SMARCC1: variants seen among roughly 807,000 people sequenced by gnomAD.
SMARCC1 encodes the protein SWI/SNF complex subunit SMARCC1.
Under a neutral mutation model 147.4 loss-of-function variants are expected in SMARCC1, and 43 were observed. The ratio of observed to expected loss-of-function variants is 0.29; its 90% CI spans 0.23 to 0.38. The LOEUF (loss-of-function observed/expected upper bound fraction) is 0.38, where lower values mean the gene tolerates loss of function less well. Ranked by LOEUF, SMARCC1 falls within the 10% of genes least tolerant of loss-of-function variation. The probability of loss-of-function intolerance (pLI) is 1.00; values close to 1 mark genes in which losing one functional copy is unlikely to be tolerated. For missense variants in SMARCC1, 1,119 were observed against 1,381.1 expected (o/e 0.81, Z 3.01); for synonymous variants, 495 against 484.4 (o/e 1.02, Z -0.29).
At chr3:47,656,486 A>C (rs952142077) in intron 21 of SMARCC1, among the ~76,000 whole-genome samples, 5 of 152,230 alleles carry the variant, frequency 3.3e-5, no homozygotes, top group African/African-American at 1.2e-4. Context: ...ATGGCTATGA[A>C]GGGTAGAAAG....
chr3:47,721,937 G>A (rs1271548606), intron 6 of SMARCC1, among the ~76,000 whole-genome samples: 1 of 152,116 alleles, frequency 6.6e-6, no homozygotes. Flanking sequence ...GGAAGATCAC[G>A]AGCATTATAG....
At position 47,588,765 on chromosome 3, in the gene SMARCC1, C is replaced by A. The variant is rs2032124557; in HGVS notation, c.3221-459G>T. Among the ~76,000 whole-genome samples, 3 of 130,828 alleles carry A rather than the reference C, an allele frequency of 2.3e-5. No individual in the cohort carries two copies. In the South Asian group the frequency reaches 7.8e-4, roughly 34 times the overall value. The allele number at this position is 130,828 out of a possible 152,430, so 85.8% of individuals were successfully genotyped here. ...GCACAAAATAGATTATCAATAAATTCTTGCTATATAAATGTCTCCACCAGG... is the reference window on the plus strand; with the variant it reads ...GCACAAAATAGATTATCAATAAATTATTGCTATATAAATGTCTCCACCAGG... On this transcript the variant is annotated intron_variant, in intron 27 of 27. Transcript: ENST00000254480.
chr3:47,720,205 C>T lies in SMARCC1; in HGVS notation c.716+461G>A, dbSNP rs976294083. On this transcript the variant is annotated intron_variant, in intron 7 of 27. Coordinates refer to ENST00000254480, the MANE Select transcript of SMARCC1 (RefSeq NM_003074.4). ...ACGGCGCAATCTCGGCTCACTGAAA[C>T]CTCCACCTCCCGGGTTCAAGGGATT... 1.2e-4 allele frequency among the ~76,000 whole-genome samples: 19 copies of T among 152,232 alleles called. No homozygotes were observed. In the East Asian group the frequency reaches 3.1e-3, roughly 25 times the overall value.
At position 47,610,298 on chromosome 3, in the gene SMARCC1, A is replaced by C; in HGVS notation, c.2811T>G (p.Thr937=). 1 of 1,614,228 alleles carries C rather than the reference A, an allele frequency of 6.2e-7. No homozygotes were observed. The highest frequency in any genetic ancestry group is 8.5e-7 in the Non-Finnish European group (1 of 1,180,038). Residue 937 remains threonine (T), a synonymous_variant, in exon 26 of 28, where the codon ACT becomes ACG. Coordinates refer to ENST00000254480, the MANE Select transcript of SMARCC1 (RefSeq NM_003074.4). ...ALEQQRQQLL[T]ERQNFHMEQL... is the part of the protein sequence containing the mutation. ...GTTCCATGTGGAAGTTTTGGCGTTC[A>C]GTAAGCAACTGCTGCCTCTGTTGTT...
chr3:47,657,887 C>G (rs910092205), intron 21 of SMARCC1, among the ~76,000 whole-genome samples: 1 of 151,818 alleles, frequency 6.6e-6, no homozygotes, highest in African/African-American at 2.4e-5. Context: ...TATAGAATGT[C>G]GCAAAAGCAG....
intron 1 of SMARCC1, among the ~76,000 whole-genome samples, chr3:47,780,168 G>GTTTTTTTTTTTT (rs10662354): frequency 0.045 from 2,672 of 59,340 alleles, 42 homozygotes; most frequent in Middle Eastern, 0.089. Context: ...GTTTTTTTTT[G>GTTTTTTTTTTTT]TTTTTTTTTT....
intron 4 of SMARCC1, among the ~76,000 whole-genome samples, chr3:47,737,717 G>A (rs1314837182): frequency 6.6e-5 from 10 of 151,864 alleles, no homozygotes; most frequent in Non-Finnish European, 1.3e-4. Flanking sequence ...GTGCAGGGGC[G>A]CAATCTCGGC....
chr3:47,678,117 A>C, intron 16 of SMARCC1, 81 bp downstream of exon 16: 2 of 677,954 alleles, frequency 3.0e-6, no homozygotes, highest in Non-Finnish European at 4.9e-6. Context: ...TGAAACAACC[A>C]GTTTAATCAA....
chr3:47,754,382 T>C (rs1203183632), intron 2 of SMARCC1, among the ~76,000 whole-genome samples: 1 of 152,072 alleles, frequency 6.6e-6, no homozygotes, highest in African/African-American at 2.4e-5. Flanking sequence ...TTTGTATTTT[T>C]AGTAGAGACA....
chr3:47,768,048 C>G (rs1576436634), intron 2 of SMARCC1, among the ~76,000 whole-genome samples: 1 of 151,962 alleles, frequency 6.6e-6, no homozygotes. Context: ...CTATGTTGCC[C>G]AGGCTAGTTT....
chr3:47,693,216 C>A, intron 12 of SMARCC1, 25 bp downstream of exon 12: 1 of 1,305,492 alleles, frequency 7.7e-7, no homozygotes, highest in South Asian at 1.2e-5. Flanking sequence ...AAGCACAGAC[C>A]AGTGTATAGA....
At chr3:47,603,730 C>A in intron 26 of SMARCC1, 1 of 251,992 alleles carries the variant, frequency 4.0e-6, no homozygotes, top group South Asian at 4.4e-5. Context: ...GAATGAAATG[C>A]AATGCTGTGT....
intron 19 of SMARCC1, among the ~76,000 whole-genome samples, chr3:47,664,918 C>G (rs2033403159): frequency 6.6e-6 from 1 of 152,200 alleles, no homozygotes. Flanking sequence ...ATTTGCTGCT[C>G]TACACTGTGA....
intron 26 of SMARCC1, among the ~76,000 whole-genome samples, chr3:47,595,682 G>A (rs975214552): frequency 4.6e-5 from 7 of 151,480 alleles, no homozygotes; most frequent in Non-Finnish European, 7.4e-5. Flanking sequence ...CCCTTTTGTG[G>A]TACCTTACTA....
At chr3:47,665,731 G>A (rs2033412016) in intron 19 of SMARCC1, among the ~76,000 whole-genome samples, 1 of 152,018 alleles carries the variant, frequency 6.6e-6, no homozygotes, top group Non-Finnish European at 1.5e-5. Flanking sequence ...CAGGAAGGAG[G>A]ATGATTCAAT....
chr3:47,777,172 C>T (rs985807847), intron 1 of SMARCC1, among the ~76,000 whole-genome samples: 1 of 151,590 alleles, frequency 6.6e-6, no homozygotes, highest in African/African-American at 2.4e-5. Context: ...AGCCTCTGCC[C>T]ACCGGGTTCC....
intron 6 of SMARCC1, 85 bp downstream of exon 6, chr3:47,728,940 T>C (rs2034334355): frequency 1.3e-6 from 1 of 783,882 alleles, no homozygotes; most frequent in Non-Finnish European, 2.0e-6. Context: ...AGCTGGTTAT[T>C]CTGTTTAAGT....
intron 1 of SMARCC1, among the ~76,000 whole-genome samples, chr3:47,780,984 G>A (rs1369228713): frequency 2.6e-5 from 4 of 152,186 alleles, no homozygotes; most frequent in East Asian, 1.9e-4. Context: ...GGTGACACAA[G>A]AAAAGTGCTC....
At chr3:47,714,903 T>G (rs1434647774) in intron 7 of SMARCC1, among the ~76,000 whole-genome samples, 1 of 152,204 alleles carries the variant, frequency 6.6e-6, no homozygotes, top group African/African-American at 2.4e-5. Context: ...AGCTCCTCTG[T>G]AGAGGTCACC....
Sources: gnomAD v4.1 joint callset for allele counts (sites outside exome capture counted in the v4.1 genomes callset) on GRCh38, gnomAD v4.1.1 for gene constraint, MANE v1.5 for transcripts, NCBI Gene and HGNC (gene_info 2026-07-23, HGNC 2026-07-21) for gene names.